DNAAF5: variants seen among roughly 807,000 people sequenced by gnomAD.
The protein encoded by DNAAF5 is dynein axonemal assembly factor 5.
In DNAAF5, 64 loss-of-function variants were observed where a neutral mutation model predicts 75.8. The observed-to-expected ratio is 0.84, with a 90% CI of 0.69 to 1.04. The LOEUF is 1.04. Ranked by LOEUF, DNAAF5 falls within the 50% of genes least tolerant of loss-of-function variation. The pLI, the probability that DNAAF5 is intolerant of heterozygous loss-of-function variation, is 0.00. For synonymous variants in DNAAF5, 657 were observed against 557.2 expected (o/e 1.18, Z -2.52); for missense variants, 1,269 against 1,178.5 (o/e 1.08, Z -1.12).
At chr7:776,313 G>A (rs1181343376) in intron 11 of DNAAF5, among the ~76,000 whole-genome samples, 2 of 152,018 alleles carry the variant, frequency 1.3e-5, no homozygotes, top group African/African-American at 2.4e-5. Context: ...TCCAGCCTGG[G>A]TGACAGAGCC....
At chr7:768,610 C>T (rs1335235250) in intron 8 of DNAAF5, 2 of 152,832 alleles carry the variant, frequency 1.3e-5, no homozygotes, top group Non-Finnish European at 2.9e-5. Flanking sequence ...TCCACGCCTA[C>T]CTCGAGCAGG....
chr7:765,531 C>T (rs967868416), intron 8 of DNAAF5, among the ~76,000 whole-genome samples: 2 of 152,156 alleles, frequency 1.3e-5, no homozygotes, highest in African/African-American at 4.8e-5. Flanking sequence ...GTGGCTTCTC[C>T]ACCATCTGTT....
chr7:773,507 C>T lies in DNAAF5; in HGVS notation c.1932-541C>T, dbSNP rs529767696. On this transcript the variant is annotated intron_variant, in intron 9 of 12. Transcript: ENST00000297440. ...AAGTCGCCGACAGGGTGGGAACTGC[C>T]CGTCTCTCTGAGCTGTGGCCCTTGG... Among the ~76,000 whole-genome samples the T allele has an allele frequency of 1.6e-4, 25 of 152,170 alleles. 1 individual carries two copies. The highest frequency in any genetic ancestry group is 6.5e-5 in the Admixed American group (1 of 15,296).
rs1183781135 is a variant in DNAAF5, at chr7:786,301, T to C, written c.*648T>C. The C allele has an allele frequency of 2.0e-5, 3 of 152,240 alleles. No individual in the cohort carries two copies. The highest frequency in any genetic ancestry group is 6.5e-5 in the Admixed American group (1 of 15,286). 9.4% of individuals were successfully genotyped at this position (152,240 alleles called of 1,614,324 possible). A position where few individuals can be genotyped will look rare whatever the true frequency, so the allele number is the denominator to read the frequency against. On this transcript the variant is annotated 3_prime_UTR_variant, in exon 13 of 13. Coordinates refer to ENST00000297440, the MANE Select transcript of DNAAF5 (RefSeq NM_017802.4). ...CCCTATAGGTAGCAGGAAAGTAAAG[T>C]TGCATTTCCCTCTCGCACATTCTAC...
chr7:729,608 C>G, intron 1 of DNAAF5, 55 bp from the exon 2 acceptor site: 1 of 1,544,522 alleles, frequency 6.5e-7, no homozygotes, highest in Non-Finnish European at 8.8e-7. Context: ...GCCCACAGAG[C>G]TGGGCGAGGC....
At chr7:731,714 A>T (rs915928328) in intron 2 of DNAAF5, among the ~76,000 whole-genome samples, 1 of 151,526 alleles carries the variant, frequency 6.6e-6, no homozygotes. Flanking sequence ...GTCAGCTATC[A>T]TTAGTGTTAG....
rs749999550 is a variant in DNAAF5 at position 770,609 on chromosome 7, A to G, written c.1922A>G (p.Asn641Ser). 1 of 1,612,958 alleles carries G rather than the reference A, an allele frequency of 6.2e-7. No homozygotes were observed. Among genetic ancestry groups the G allele is most frequent in the South Asian group, 1.1e-5 (1 of 91,040 alleles). The change falls in exon 9 of 13, where the codon AAC (asparagine) becomes AGC (serine). Residue 641 changes from asparagine to serine, a missense_variant. Physicochemically the swap from Asn to Ser is conservative, Grantham distance 46. Coordinates refer to ENST00000297440, the MANE Select transcript of DNAAF5 (RefSeq NM_017802.4). ...CTGCTCAGAGCCACGGACACCATCA[A>G]CTCCCAGGGGTAGGTCCGGGCTCTG... ...TVLLRATDTI[N>S]SQGQFPSYLE...
At chr7:755,326 C>T (rs10263691) in intron 5 of DNAAF5, among the ~76,000 whole-genome samples, 24,049 of 152,184 alleles carry the variant, frequency 0.16, 2,271 homozygotes, top group Middle Eastern at 0.22. Flanking sequence ...GTTATCGCCT[C>T]GTCACCACTG....
chr7:746,282 C>T (rs1782101802), intron 4 of DNAAF5, among the ~76,000 whole-genome samples: 1 of 134,758 alleles, frequency 7.4e-6, no homozygotes, highest in Non-Finnish European at 1.6e-5. Flanking sequence ...CCCCCCCCTG[C>T]CCGCTGGGCC....
At chr7:777,152 A>G (rs1359797533) in intron 11 of DNAAF5, among the ~76,000 whole-genome samples, 6 of 152,150 alleles carry the variant, frequency 3.9e-5, no homozygotes, top group South Asian at 2.1e-4. Flanking sequence ...ATATGTTACA[A>G]TGTAGTCATA....
chr7:727,052 G>A lies in DNAAF5; in HGVS notation c.332G>A (p.Arg111His), dbSNP rs1781337506. The A allele has an allele frequency of 2.8e-6, 3 of 1,086,298 alleles. No individual in the cohort carries two copies. Among genetic ancestry groups the A allele is most frequent in the East Asian group, 1.2e-4 (2 of 16,922 alleles). 67.3% of individuals were successfully genotyped at this position (1,086,298 alleles called of 1,614,324 possible). A position where few individuals can be genotyped will look rare whatever the true frequency, so the allele number is the denominator to read the frequency against. Residue 111 changes from arginine to histidine, a missense_variant, in exon 1 of 13, where the codon CGC becomes CAC. Coordinates refer to ENST00000297440, the MANE Select transcript of DNAAF5 (RefSeq NM_017802.4). Reference sequence around the variant, plus strand: ...GGCCTGCGCCGCGCCGCGCGGCCCCGCGATGCCCTGCCGCGCCTGCTGCCC... The same window carrying A: ...GGCCTGCGCCGCGCCGCGCGGCCCCACGATGCCCTGCCGCGCCTGCTGCCC... ...DLGLRRAARP[R>H]DALPRLLPAL...
intron 4 of DNAAF5, among the ~76,000 whole-genome samples, chr7:753,870 G>A (rs928345043): frequency 2.8e-5 from 4 of 143,140 alleles, no homozygotes; most frequent in South Asian, 2.2e-4. Context: ...ATATGGCGAC[G>A]GCTTCGCAGG....
At chr7:739,892 G>T (rs1056170656) in intron 2 of DNAAF5, among the ~76,000 whole-genome samples, 3 of 152,148 alleles carry the variant, frequency 2.0e-5, no homozygotes, top group East Asian at 1.9e-4. Flanking sequence ...CTGCTGCTCG[G>T]GTCCCCTGCA....
intron 4 of DNAAF5, among the ~76,000 whole-genome samples, chr7:743,968 T>C (rs939095385): frequency 2.6e-5 from 4 of 151,638 alleles, no homozygotes; most frequent in South Asian, 2.1e-4. Flanking sequence ...CTTTAAGTTT[T>C]AGGGTACATG....
chr7:761,117 C>T (rs1160110690), intron 6 of DNAAF5, among the ~76,000 whole-genome samples: 2 of 152,244 alleles, frequency 1.3e-5, no homozygotes, highest in East Asian at 1.9e-4. Context: ...GCAGCTTCTC[C>T]ACCACATAGC....
At chr7:781,484 G>A (rs1181920286) in intron 12 of DNAAF5, among the ~76,000 whole-genome samples, 2 of 152,184 alleles carry the variant, frequency 1.3e-5, no homozygotes, top group East Asian at 1.9e-4. Context: ...TTCGGCGTGC[G>A]CGTGCAGCTC....
chr7:739,833 G>A lies in DNAAF5; in HGVS notation c.781-986G>A, dbSNP rs138277611. Among the ~76,000 whole-genome samples, 1,231 of 152,268 alleles carry A rather than the reference G, an allele frequency of 8.1e-3. 13 individuals are homozygous for A. The highest frequency in any genetic ancestry group is 0.013 in the Non-Finnish European group (872 of 68,008). ...TCTGGGCCTTGTTGGAGCCGGGGCG[G>A]AGCAGCCCCTCCTCCGAGTCCCAGC... On this transcript the variant is annotated intron_variant, in intron 2 of 12. Transcript: ENST00000297440.
intron 9 of DNAAF5, among the ~76,000 whole-genome samples, chr7:773,814 C>T (rs1778655956): frequency 1.3e-5 from 2 of 152,068 alleles, no homozygotes; most frequent in East Asian, 3.9e-4. Flanking sequence ...CTACGCGGGC[C>T]GCAGGAGAGG....
At chr7:751,862 C>G (rs2128077138) in intron 4 of DNAAF5, among the ~76,000 whole-genome samples, 1 of 152,300 alleles carries the variant, frequency 6.6e-6, no homozygotes, top group South Asian at 2.1e-4. Context: ...GCATGAGCCA[C>G]CGTGCCCGGC....
Sources: allele counts gnomAD v4.1 joint callset (sites outside exome capture counted in the v4.1 genomes callset), GRCh38; gene constraint gnomAD v4.1.1; transcripts MANE v1.5; gene names NCBI Gene and HGNC (gene_info 2026-07-23, HGNC 2026-07-21).